Variants in GLIS3 observed in about 807,000 individuals in gnomAD.
The protein encoded by GLIS3 is GLIS family zinc finger 3.
GLIS3 carries 53 observed loss-of-function variants against 78.6 expected under a neutral mutation model. The ratio of observed to expected loss-of-function variants is 0.67; its 90% CI spans 0.54 to 0.85. The LOEUF is 0.85. Among genes scored for constraint, GLIS3 ranks in the 40% least tolerant of loss-of-function variants. The probability of loss-of-function intolerance (pLI) is 0.00; values close to 1 mark genes in which losing one functional copy is unlikely to be tolerated. For synonymous variants in GLIS3, 684 were observed against 509.9 expected (o/e 1.34, Z -4.60); for missense variants, 1,703 against 1,231.1 (o/e 1.38, Z -5.74).
At chr9:3,959,103 C>T (rs1817363398) in intron 4 of GLIS3, among the ~76,000 whole-genome samples, 1 of 152,220 alleles carries the variant, frequency 6.6e-6, no homozygotes, top group Non-Finnish European at 1.5e-5. Context: ...TGAAACCCCA[C>T]CCTCTAAGGT....
the GLIS3 span, among the ~76,000 whole-genome samples, chr9:4,472,113 A>G: frequency 1.2e-4 from 19 of 152,288 alleles, no homozygotes; most frequent in African/African-American, 4.1e-4. Flanking sequence ...AACAACAGGT[A>G]CTGGAGAGGA....
intron 4 of GLIS3, among the ~76,000 whole-genome samples, chr9:4,104,658 T>C (rs1830620926): frequency 6.6e-6 from 1 of 152,172 alleles, no homozygotes; most frequent in African/African-American, 2.4e-5. Context: ...CTTCTCTTCT[T>C]CCTCTTCACT....
intron 9 of GLIS3, among the ~76,000 whole-genome samples, chr9:3,831,883 AG>A: frequency 1.3e-5 from 2 of 152,352 alleles, no homozygotes; most frequent in East Asian, 3.9e-4. Flanking sequence ...TACAAAGCCT[AG>A]GATCAGTTGT....
At chr9:4,376,759 A>G in the GLIS3 span, among the ~76,000 whole-genome samples, 4 of 136,120 alleles carry the variant, frequency 2.9e-5, 1 homozygote, top group Admixed American at 2.9e-4. Context: ...ATATGAGAAA[A>G]AAGTTTTAAT....
the GLIS3 span, among the ~76,000 whole-genome samples, chr9:4,368,019 T>A: frequency 6.6e-6 from 1 of 152,232 alleles, no homozygotes; most frequent in Non-Finnish European, 1.5e-5. Flanking sequence ...GCCCCTGGAC[T>A]TTCTACTGTA....
intron 2 of GLIS3, among the ~76,000 whole-genome samples, chr9:4,323,803 G>A (rs1485916504): frequency 6.6e-6 from 1 of 152,158 alleles, no homozygotes; most frequent in Non-Finnish European, 1.5e-5. Flanking sequence ...TCAGCCTAAA[G>A]CACATCATAG....
At chr9:4,228,195 TG>T (rs1226715168) in intron 2 of GLIS3, among the ~76,000 whole-genome samples, 1 of 63,142 alleles carries the variant, frequency 1.6e-5, no homozygotes, top group Admixed American at 2.0e-4. Context: ...AAGTCTAAGG[TG>T]GCAAAAAAAA....
chr9:3,925,476 T>A (rs1009998450), intron 6 of GLIS3, among the ~76,000 whole-genome samples: 9 of 152,232 alleles, frequency 5.9e-5, no homozygotes, highest in Admixed American at 2.6e-4. Flanking sequence ...AGAGCTGGTG[T>A]CTGTGTGAAG....
intron 2 of GLIS3, among the ~76,000 whole-genome samples, chr9:4,185,406 G>A (rs141297886): frequency 1.2e-3 from 177 of 152,256 alleles, no homozygotes; most frequent in African/African-American, 4.2e-3. Flanking sequence ...AAAGAATGCT[G>A]CCATGAACAT....
intron 6 of GLIS3, among the ~76,000 whole-genome samples, chr9:3,917,332 T>A (rs1824580363): frequency 6.6e-6 from 1 of 152,210 alleles, no homozygotes; most frequent in African/African-American, 2.4e-5. Flanking sequence ...GCATGAACAG[T>A]GCACTCAGCT....
At chr9:3,966,847 C>T (rs868743967) in intron 4 of GLIS3, among the ~76,000 whole-genome samples, 16 of 150,880 alleles carry the variant, frequency 1.1e-4, no homozygotes, top group South Asian at 2.1e-4. Context: ...CAAAATCCAC[C>T]CAATATAAAA....
intron 4 of GLIS3, among the ~76,000 whole-genome samples, chr9:4,050,052 G>C (rs932566653): frequency 6.6e-6 from 1 of 152,108 alleles, no homozygotes; most frequent in Non-Finnish European, 1.5e-5. Flanking sequence ...ATTCCTCAGG[G>C]ATCTAGAACT....
At chr9:4,346,042 T>A (rs544851953) in intron 2 of GLIS3, among the ~76,000 whole-genome samples, 1 of 152,064 alleles carries the variant, frequency 6.6e-6, no homozygotes, top group Non-Finnish European at 1.5e-5. Flanking sequence ...AAAAAATAAA[T>A]ACAGACACAG....
the GLIS3 span, among the ~76,000 whole-genome samples, chr9:4,410,192 G>C: frequency 6.6e-6 from 1 of 150,736 alleles, no homozygotes; most frequent in Non-Finnish European, 1.5e-5. Flanking sequence ...GGCCAGGCTG[G>C]TCTCAAACTG....
the GLIS3 span, among the ~76,000 whole-genome samples, chr9:4,473,444 T>G: frequency 1.1e-4 from 6 of 52,860 alleles, no homozygotes; most frequent in Non-Finnish European, 4.4e-4. Context: ...AGACTCCATC[T>G]CAACAACAAC....
chr9:4,093,920 CTG>C (rs1007857417), intron 4 of GLIS3, among the ~76,000 whole-genome samples: 69 of 152,302 alleles, frequency 4.5e-4, no homozygotes, highest in African/African-American at 1.6e-3. Flanking sequence ...ATCTCAGAAA[CTG>C]TGGAATTGTA....
At chr9:4,295,452 A>C (rs542715533) in intron 1 of GLIS3, among the ~76,000 whole-genome samples, 3 of 152,330 alleles carry the variant, frequency 2.0e-5, no homozygotes, top group Admixed American at 6.5e-5. Flanking sequence ...CATCATCTTT[A>C]AAGGGGGAGT....
rs60374376 is a variant in GLIS3, at chr9:4,273,590, CATAAATAA to C, written c.388+12440_388+12447del. On this transcript the variant is annotated intron_variant, in intron 2 of 10. Transcript: ENST00000381971. ...CCTGGGTGACAGAGCAAGACCTTATCATAAATAAATAAATAAATAAATAAATAAATAAA... is the reference window on the plus strand; with the variant it reads ...CCTGGGTGACAGAGCAAGACCTTATCATAAATAAATAAATAAATAAATAAA... 7.5e-3 allele frequency among the ~76,000 whole-genome samples: 1,084 copies of C among 144,064 alleles called. 11 individuals carry two copies. Among genetic ancestry groups the C allele is most frequent in the African/African-American group, 0.023 (888 of 38,234 alleles). 94.5% of individuals were successfully genotyped at this position (144,064 alleles called of 152,430 possible).
At chr9:4,365,567 A>AAAAAG in the GLIS3 span, among the ~76,000 whole-genome samples, 3 of 152,144 alleles carry the variant, frequency 2.0e-5, no homozygotes, top group Non-Finnish European at 4.4e-5. Context: ...AAAAAAAAGA[A>AAAAAG]AAAAGAAAAG....
Sources: gnomAD v4.1 joint callset for allele counts (sites outside exome capture counted in the v4.1 genomes callset) on GRCh38, gnomAD v4.1.1 for gene constraint, MANE v1.5 for transcripts, NCBI Gene and HGNC (gene_info 2026-07-23, HGNC 2026-07-21) for gene names.